Variants in MTA3 observed in about 807,000 individuals in gnomAD.
The protein encoded by MTA3 is metastasis-associated protein MTA3.
Under a neutral mutation model 83.5 loss-of-function variants are expected in MTA3, and 34 were observed. The observed-to-expected ratio is 0.41, with a 90% CI of 0.31 to 0.54. The LOEUF is 0.54. Among genes scored for constraint, MTA3 ranks in the 20% least tolerant of loss-of-function variants. The probability of loss-of-function intolerance (pLI) is 0.33; values close to 1 mark genes in which losing one functional copy is unlikely to be tolerated. For missense variants in MTA3, 761 were observed against 726.4 expected, an observed-to-expected ratio of 1.05 and a Z score of -0.55; for synonymous variants, 303 against 252.7, an observed-to-expected ratio of 1.20 and a Z score of -1.89.
intron 2 of MTA3, among the ~76,000 whole-genome samples, chr2:42,562,054 C>T (rs965889013): frequency 3.9e-5 from 6 of 152,118 alleles, no homozygotes; most frequent in African/African-American, 1.2e-4. Context: ...TTGCTGGCAA[C>T]CCCTGGCACT....
At chr2:42,621,698 C>G (rs1573337243) in intron 4 of MTA3, among the ~76,000 whole-genome samples, 4 of 151,188 alleles carry the variant, frequency 2.6e-5, no homozygotes, top group East Asian at 2.0e-4. Context: ...ACTTCCCAGA[C>G]GGGCGGCTGC....
intron 14 of MTA3, 109 bp downstream of exon 14, chr2:42,709,205 T>A: frequency 6.8e-7 from 1 of 1,467,526 alleles, no homozygotes. Context: ...ACATAAGTTC[T>A]TGTGTACAGC....
At chr2:42,542,698 C>T (rs751701423) in intron 2 of MTA3, among the ~76,000 whole-genome samples, 6 of 151,832 alleles carry the variant, frequency 4.0e-5, no homozygotes, top group African/African-American at 7.3e-5. Context: ...ATTACAGGTG[C>T]CTGCCACCTC....
rs186722367 is a variant in MTA3, at chr2:42,499,245, G to A, written c.-141+3991G>A. Among the ~76,000 whole-genome samples the A allele has an allele frequency of 1.6e-3, 242 of 150,664 alleles. 2 individuals carry two copies. The highest frequency in any genetic ancestry group is 1.2e-3 in the East Asian group (6 of 5,052). ...TGCAATGGTGCGATCTCAGCTCACC[G>A]CAACCTCCGCCTCCCAGGTTCAAGC... On this transcript the variant is annotated intron_variant, in intron 2 of 17. Transcript: ENST00000405592.
At chr2:42,567,369 A>G (rs1677961637), upstream of MTA3, among the ~76,000 whole-genome samples, 1 of 152,168 alleles carries the variant, frequency 6.6e-6, no homozygotes, top group Non-Finnish European at 1.5e-5. Flanking sequence ...TTTCATCTCA[A>G]TACTTTGTGA....
At chr2:42,629,639 G>A (rs1388575465) in intron 4 of MTA3, among the ~76,000 whole-genome samples, 1 of 151,994 alleles carries the variant, frequency 6.6e-6, no homozygotes, top group Non-Finnish European at 1.5e-5. Context: ...CTTTTGGAGT[G>A]AGCCGAAGTT....
chr2:42,563,195 C>T (rs1424916354), intron 2 of MTA3, among the ~76,000 whole-genome samples: 1 of 152,174 alleles, frequency 6.6e-6, no homozygotes, highest in Non-Finnish European at 1.5e-5. Context: ...AAACACCTTA[C>T]TCCCTGTAAC....
chr2:42,713,069 A>C (rs1348667142), intron 14 of MTA3, among the ~76,000 whole-genome samples: 1 of 152,240 alleles, frequency 6.6e-6, no homozygotes, highest in African/African-American at 2.4e-5. Flanking sequence ...AAATAGAAGT[A>C]GGTTTACTAG....
intron 8 of MTA3, among the ~76,000 whole-genome samples, chr2:42,661,263 C>T (rs886341259): frequency 3.3e-5 from 5 of 151,924 alleles, no homozygotes; most frequent in African/African-American, 1.2e-4. Context: ...CTTTGGGGGG[C>T]TGAGGCCAGT....
intron 2 of MTA3, among the ~76,000 whole-genome samples, chr2:42,537,697 T>C (rs987856445): frequency 6.6e-5 from 10 of 152,230 alleles, no homozygotes; most frequent in Non-Finnish European, 1.2e-4. Flanking sequence ...TAATCATTTA[T>C]TGATCATAAA....
intron 8 of MTA3, among the ~76,000 whole-genome samples, chr2:42,667,016 C>T (rs1272514193): frequency 6.6e-6 from 1 of 152,134 alleles, no homozygotes; most frequent in Non-Finnish European, 1.5e-5. Context: ...GCTGTACACA[C>T]ACAGTCTGAA....
chr2:42,511,539 A>T (rs1452471963), intron 2 of MTA3: 1 of 152,216 alleles, frequency 6.6e-6, no homozygotes. Flanking sequence ...CAACATGGTG[A>T]CACCCTGTCT....
Position 42,514,682 on chromosome 2 carries a change from CT to C in MTA3, c.-141+19453del, listed in dbSNP as rs767598363. On this transcript the variant is annotated intron_variant, in intron 2 of 17. Transcript: ENST00000405592. ...GATTACAGGCATGAGCGCCCAGCCC[CT>C]TTTTTTTTTTTTTTTTTTTTTTTTG... 6.7e-4 allele frequency among the ~76,000 whole-genome samples: 36 copies of C among 53,482 alleles called. 2 individuals are homozygous for C. Among genetic ancestry groups the C allele is most frequent in the East Asian group, 2.4e-3 (4 of 1,672 alleles). The allele number at this position is 53,482 out of a possible 152,430, so 35.1% of individuals were successfully genotyped here. A position where few individuals can be genotyped will look rare whatever the true frequency, so the allele number is the denominator to read the frequency against.
intron 4 of MTA3, among the ~76,000 whole-genome samples, chr2:42,639,948 C>T (rs981518660): frequency 5.3e-5 from 8 of 152,070 alleles, no homozygotes; most frequent in African/African-American, 1.7e-4. Flanking sequence ...AACACAATTA[C>T]TCCAACAGGC....
intron 2 of MTA3, among the ~76,000 whole-genome samples, chr2:42,555,258 T>A (rs1677322529): frequency 6.7e-6 from 1 of 148,876 alleles, no homozygotes; most frequent in African/African-American, 2.5e-5. Context: ...AGGTCGGGAG[T>A]TCGAGACCAG....
chr2:42,583,841 CTTTT>C (rs1460178750), intron 3 of MTA3, among the ~76,000 whole-genome samples: 2 of 148,670 alleles, frequency 1.3e-5, no homozygotes, highest in South Asian at 4.3e-4. Context: ...ATTATGGACT[CTTTT>C]TTTGTTTTGT....
At chr2:42,629,729 G>A (rs974850704) in intron 4 of MTA3, among the ~76,000 whole-genome samples, 3 of 152,052 alleles carry the variant, frequency 2.0e-5, no homozygotes, top group East Asian at 3.9e-4. Context: ...TTCTGATCTC[G>A]TTCCTCTGTG....
chr2:42,668,291 A>G (rs1053648773), intron 8 of MTA3, among the ~76,000 whole-genome samples: 7 of 152,154 alleles, frequency 4.6e-5, no homozygotes, highest in African/African-American at 7.2e-5. Flanking sequence ...CAACTGACTG[A>G]TTTATTCAGC....
intron 9 of MTA3, among the ~76,000 whole-genome samples, chr2:42,694,533 G>A (rs1693205864): frequency 6.6e-6 from 1 of 152,162 alleles, no homozygotes. Flanking sequence ...ATTCTCTGCT[G>A]TCACAGGGCA....
Sources: gnomAD v4.1 joint callset for allele counts (sites outside exome capture counted in the v4.1 genomes callset) on GRCh38, gnomAD v4.1.1 for gene constraint, MANE v1.5 for transcripts, NCBI Gene and HGNC (gene_info 2026-07-23, HGNC 2026-07-21) for gene names.